SCUBE2: variants seen among roughly 807,000 people sequenced by gnomAD.
SCUBE2 encodes the protein signal peptide, CUB domain and EGF like domain containing 2, also known as signal peptide, CUB and EGF-like domain-containing protein 2.
In SCUBE2, 114 loss-of-function variants were observed where a neutral mutation model predicts 125.9. That is an observed-to-expected ratio of 0.91 (90% CI 0.78 to 1.06). The LOEUF is 1.06. SCUBE2 is among the 50% of genes least tolerant of loss of function. The pLI, the probability that SCUBE2 is intolerant of heterozygous loss-of-function variation, is 0.00. For missense variants in SCUBE2, 1,255 were observed against 1,301.8 expected (o/e 0.96, Z 0.55); for synonymous variants, 459 against 492.9 (o/e 0.93, Z 0.91).
At chr11:9,090,009 G>A (rs1458875452) in intron 1 of SCUBE2, among the ~76,000 whole-genome samples, 180 bp from the exon 2 acceptor site, 1 of 151,972 alleles carries the variant, frequency 6.6e-6, no homozygotes, top group African/African-American at 2.4e-5. Flanking sequence ...GGAACAGCCC[G>A]GACACTCTAC....
At chr11:9,036,816 T>C (rs952838976) in intron 16 of SCUBE2, among the ~76,000 whole-genome samples, 3 of 152,188 alleles carry the variant, frequency 2.0e-5, no homozygotes, top group Non-Finnish European at 4.4e-5. Flanking sequence ...CAAGGTGACC[T>C]TTAGAGAGAC....
Position 9,066,793 on chromosome 11 carries a change from C to T in SCUBE2, c.664G>A (p.Gly222Ser), listed in dbSNP as rs146308663. 1,161 of 1,614,094 alleles carry T rather than the reference C, an allele frequency of 7.2e-4. 5 individuals are homozygous for T. Among genetic ancestry groups the T allele is most frequent in the Non-Finnish European group, 8.9e-4 (1,049 of 1,179,986 alleles). Reference sequence around the variant, plus strand: ...TCGTCACAGGAGTGCTGGCACCCACCGTTCCCATGGTTACAGGTCACTGAC... The same window carrying T: ...TCGTCACAGGAGTGCTGGCACCCACTGTTCCCATGGTTACAGGTCACTGAC... The part of the protein sequence containing the change: ...DCILTCNHGN[G>S]GCQHSCDDTA... Residue 222 changes from glycine (G) to serine (S), a missense_variant, in exon 6 of 23, where the codon GGT becomes AGT. Gly to Ser is a moderately conservative substitution (Grantham distance 56). Around this residue, in one of 3 missense-constraint regions of SCUBE2, gnomAD observed 362 missense variants for 323.0 expected, o/e 1.12. Coordinates refer to ENST00000649792, the MANE Select transcript of SCUBE2 (RefSeq NM_001367977.2).
chr11:9,027,313 C>T (rs1378254316), intron 20 of SCUBE2, 51 bp downstream of exon 20: 1 of 1,576,678 alleles, frequency 6.3e-7, no homozygotes, highest in Admixed American at 1.7e-5. Flanking sequence ...AGGAGCAGGT[C>T]ATCAGGCTTC....
At chr11:9,047,820 A>G (rs747566552) in intron 15 of SCUBE2, 123 bp downstream of exon 15, 2 of 1,260,628 alleles carry the variant, frequency 1.6e-6, no homozygotes, top group Non-Finnish European at 2.2e-6. Context: ...TCGGGGTGAA[A>G]AAAAACAGGA....
At chr11:9,042,661 T>C (rs1590041833) in intron 16 of SCUBE2, among the ~76,000 whole-genome samples, 1 of 152,168 alleles carries the variant, frequency 6.6e-6, no homozygotes. Flanking sequence ...CATTTCATCA[T>C]TCAACCAACC....
At chr11:9,057,735 GT>G (rs1859226021) in intron 9 of SCUBE2, among the ~76,000 whole-genome samples, 1 of 152,046 alleles carries the variant, frequency 6.6e-6, no homozygotes, top group Admixed American at 6.5e-5. Context: ...GTTTTGCCGT[GT>G]TGGCCAGACT....
chr11:9,051,257 T>C (rs1391210912), intron 13 of SCUBE2, among the ~76,000 whole-genome samples: 10 of 151,952 alleles, frequency 6.6e-5, no homozygotes, highest in African/African-American at 1.2e-4. Context: ...TATCTATCTA[T>C]CTACCTATCT....
rs72549242 is a variant in SCUBE2, at chr11:9,074,562, C to A, written c.436G>T (p.Val146Phe). The A allele has an allele frequency of 4.6e-5, 75 of 1,614,182 alleles. No homozygotes were observed. Among genetic ancestry groups the A allele is most frequent in the Non-Finnish European group, 5.6e-5 (66 of 1,180,022 alleles). Residue 146 changes from valine to phenylalanine, a missense_variant, in exon 4 of 23, where the codon GTC becomes TTC. Around this residue, in one of 3 missense-constraint regions of SCUBE2, gnomAD observed 362 missense variants for 323.0 expected, o/e 1.12. Transcript: ENST00000649792. ...NGGCQHTCVNVMGSYECCCKE... is the reference protein window; with the variant it reads ...NGGCQHTCVNFMGSYECCCKE... Reference sequence around the variant, plus strand: ...CAGCAGCACTCATAGCTCCCCATGACGTTGACACAGGTATGCTGGCAGCCG... The same window carrying A: ...CAGCAGCACTCATAGCTCCCCATGAAGTTGACACAGGTATGCTGGCAGCCG...
intron 4 of SCUBE2, among the ~76,000 whole-genome samples, chr11:9,073,384 C>CA (rs1279842711): frequency 1.3e-5 from 2 of 152,144 alleles, no homozygotes; most frequent in Non-Finnish European, 2.9e-5. Context: ...TGATGATAGC[C>CA]ATCAAACCCA....
chr11:9,090,127 C>T (rs1004009637), intron 1 of SCUBE2, among the ~76,000 whole-genome samples: 7 of 152,152 alleles, frequency 4.6e-5, no homozygotes, highest in African/African-American at 1.7e-4. Context: ...ACCAAGTGCT[C>T]GCATATGTAT....
At chr11:9,089,659 G>A (rs753028874) in intron 2 of SCUBE2, 48 bp downstream of exon 2, 1 of 1,601,590 alleles carries the variant, frequency 6.2e-7, no homozygotes, top group Non-Finnish European at 8.5e-7. Flanking sequence ...GAGCTAAGGA[G>A]GTAGGAGCTT....
At chr11:9,050,507 C>A in intron 14 of SCUBE2, 99 bp downstream of exon 14, 4 of 874,542 alleles carry the variant, frequency 4.6e-6, no homozygotes, top group Non-Finnish European at 3.8e-6. Flanking sequence ...CTTGGATCGG[C>A]TGGACAGCCC....
chr11:9,068,012 A>G (rs1347782568), intron 5 of SCUBE2, among the ~76,000 whole-genome samples: 1 of 152,154 alleles, frequency 6.6e-6, no homozygotes, highest in Non-Finnish European at 1.5e-5. Context: ...GGAAGCCCTC[A>G]GGGACAGCCT....
chr11:9,053,247 GAGA>G, intron 11 of SCUBE2, 32 bp from the exon 12 acceptor site: 1 of 1,565,772 alleles, frequency 6.4e-7, no homozygotes, highest in Non-Finnish European at 8.8e-7. Flanking sequence ...CTTACAGAAA[GAGA>G]AGGACATTTC....
intron 2 of SCUBE2, among the ~76,000 whole-genome samples, chr11:9,083,781 C>T (rs532453809): frequency 1.1e-3 from 165 of 152,052 alleles, no homozygotes; most frequent in African/African-American, 3.7e-3. Context: ...ACCTTGTGAC[C>T]CACCCGCCTC....
chr11:9,051,225 T>TACCTACCTAC (rs1555245378), intron 13 of SCUBE2, among the ~76,000 whole-genome samples: 7 of 132,326 alleles, frequency 5.3e-5, no homozygotes, highest in Non-Finnish European at 8.3e-5. Context: ...TATCTATCTA[T>TACCTACCTAC]CTACCTACCT....
At chr11:9,087,604 G>A (rs755835627) in intron 2 of SCUBE2, among the ~76,000 whole-genome samples, 1 of 152,134 alleles carries the variant, frequency 6.6e-6, no homozygotes, top group Non-Finnish European at 1.5e-5. Context: ...ACCTGACCAG[G>A]ACCACACCTT....
intron 1 of SCUBE2, chr11:9,090,489 A>ATTATT (rs1862577479): frequency 1.4e-5 from 2 of 141,896 alleles, no homozygotes; most frequent in African/African-American, 2.6e-5. Flanking sequence ...TTATTTATTT[A>ATTATT]TTTTTTTTTT....
At chr11:9,038,231 T>A (rs146231713) in intron 16 of SCUBE2, among the ~76,000 whole-genome samples, 208 of 152,162 alleles carry the variant, frequency 1.4e-3, no homozygotes, top group African/African-American at 4.8e-3. Flanking sequence ...AGTAGTATGA[T>A]GAAGAAAAGG....
Sources: gnomAD v4.1 joint callset for allele counts (sites outside exome capture counted in the v4.1 genomes callset) on GRCh38, gnomAD v4.1.1 for gene constraint, gnomAD v4.1.1 regional missense constraint, MANE v1.5 for transcripts, NCBI Gene and HGNC (gene_info 2026-07-23, HGNC 2026-07-21) for gene names.